The following INO80D variants were observed in gnomAD, a reference collection of about 807,000 sequenced individuals.
INO80D encodes the protein INO80 complex subunit D.
In INO80D, 21 loss-of-function variants were observed where a neutral mutation model predicts 87.6. The observed-to-expected ratio is 0.24, with a 90% CI of 0.17 to 0.35. INO80D has a LOEUF of 0.35. Among genes scored for constraint, INO80D ranks in the 10% least tolerant of loss-of-function variants. The pLI is 1.00. For missense variants in INO80D, 982 were observed against 1,280.7 expected (o/e 0.77, Z 3.56); for synonymous variants, 440 against 491.0 (o/e 0.90, Z 1.37).
At chr2:206,076,636 C>T (rs1355527028) in intron 1 of INO80D, among the ~76,000 whole-genome samples, 1 of 152,162 alleles carries the variant, frequency 6.6e-6, no homozygotes, top group African/African-American at 2.4e-5. Context: ...TATTGAATGT[C>T]TAGTATGTGC....
chr2:206,043,023 A>T (rs1029659128), intron 5 of INO80D, among the ~76,000 whole-genome samples: 1 of 152,202 alleles, frequency 6.6e-6, no homozygotes, highest in Non-Finnish European at 1.5e-5. Context: ...ATTACCAAAA[A>T]ATTCACAAAA....
chr2:206,080,515 CCCATT>C (rs1459657179), intron 1 of INO80D, among the ~76,000 whole-genome samples: 3 of 151,916 alleles, frequency 2.0e-5, no homozygotes, highest in African/African-American at 7.3e-5. Context: ...ATTTATTTGC[CCCATT>C]AAAGTAATTA....
At chr2:206,007,587 CA>C in intron 9 of INO80D, 146 bp from the exon 10 acceptor site, 2 of 889,032 alleles carry the variant, frequency 2.2e-6, no homozygotes, top group Non-Finnish European at 1.7e-6. Context: ...TTTGGGAGGC[CA>C]AGGTGAGAGG....
intron 3 of INO80D, among the ~76,000 whole-genome samples, chr2:206,059,062 TAAA>T (rs34251228): frequency 5.6e-5 from 7 of 125,480 alleles, no homozygotes; most frequent in Admixed American, 1.6e-4. Flanking sequence ...CTGTCTCAGT[TAAA>T]AAAAAAAAAA....
At chr2:206,007,173 A>G (rs1688049018) in intron 10 of INO80D, 111 bp downstream of exon 10, 1 of 900,570 alleles carries the variant, frequency 1.1e-6, no homozygotes, top group African/African-American at 1.7e-5. Context: ...ATCTACAGTG[A>G]AAGACATTAC....
At chr2:206,018,713 G>T (rs550614044) in intron 7 of INO80D, among the ~76,000 whole-genome samples, 1 of 152,126 alleles carries the variant, frequency 6.6e-6, no homozygotes, top group Non-Finnish European at 1.5e-5. Context: ...TTGAGCCTCA[G>T]AAGTTCAGGA....
intron 1 of INO80D, among the ~76,000 whole-genome samples, chr2:206,067,721 A>G (rs1689857273): frequency 1.3e-5 from 2 of 152,198 alleles, no homozygotes; most frequent in Non-Finnish European, 2.9e-5. Context: ...TCTTTTCTCT[A>G]CTCACCCACA....
Position 206,063,262 on chromosome 2 carries a change from G to A in INO80D, c.-123-18C>T. The A allele has an allele frequency of 7.5e-6, 4 of 533,866 alleles. No homozygotes were observed. The highest frequency in any genetic ancestry group is 1.3e-5 in the Non-Finnish European group (4 of 309,886). 33.1% of individuals were successfully genotyped at this position (533,866 alleles called of 1,614,324 possible). ...CAGATTGTCTATAAAAATATCAAAA[G>A]GCCTAGTTAACAAACAGAAATAAGC... On this transcript the variant is annotated intron_variant, in intron 1 of 10. Coordinates refer to ENST00000403263, the MANE Select transcript of INO80D (RefSeq NM_017759.5).
intron 1 of INO80D, among the ~76,000 whole-genome samples, chr2:206,077,033 G>A (rs945705596): frequency 5.9e-5 from 9 of 152,144 alleles, no homozygotes; most frequent in Admixed American, 3.9e-4. Flanking sequence ...CAGCACTTTG[G>A]GAGGCCAAGG....
intron 5 of INO80D, among the ~76,000 whole-genome samples, chr2:206,038,946 G>A (rs1575832405): frequency 6.6e-6 from 1 of 152,224 alleles, no homozygotes; most frequent in East Asian, 1.9e-4. Flanking sequence ...AGTTTCCAGG[G>A]TAAGTCCAGA....
chr2:205,996,041 A>G lies in INO80D; in HGVS notation c.*8327T>C, dbSNP rs931493865. ...TAATATCGATCATAAAATCATAATT[A>G]TGTTCTTTTGTAATTTAAGTAAAAT... On this transcript the variant is annotated 3_prime_UTR_variant, in exon 11 of 11. Coordinates refer to ENST00000403263, the MANE Select transcript of INO80D (RefSeq NM_017759.5). The G allele has an allele frequency of 1.5e-4, 23 of 152,152 alleles. No individual in the cohort carries two copies. Among genetic ancestry groups the G allele is most frequent in the Non-Finnish European group, 2.6e-4 (18 of 67,964 alleles). The allele number at this position is 152,152 out of a possible 1,614,324, so 9.4% of individuals were successfully genotyped here.
At chr2:206,057,904 A>G (rs2105883970) in intron 3 of INO80D, among the ~76,000 whole-genome samples, 1 of 152,226 alleles carries the variant, frequency 6.6e-6, no homozygotes, top group Non-Finnish European at 1.5e-5. Flanking sequence ...AAGTTTAAAA[A>G]AAAAAAAAAA....
chr2:206,083,950 G>A (rs570969974), intron 1 of INO80D, among the ~76,000 whole-genome samples: 4 of 151,958 alleles, frequency 2.6e-5, no homozygotes, highest in African/African-American at 9.7e-5. Context: ...GGCAGTGGGG[G>A]GTGGCAGGGT....
chr2:206,028,182 C>G lies in INO80D; in HGVS notation c.1227G>C (p.Ala409=). The G allele has an allele frequency of 6.3e-7, 1 of 1,597,528 alleles. No individual in the cohort carries two copies. The highest frequency in any genetic ancestry group is 1.1e-5 in the South Asian group (1 of 88,796). Residue 409 remains alanine, a synonymous_variant, in exon 6 of 11, where the codon GCG becomes GCC. Transcript: ENST00000403263. ...RHTFRKALLQ[A]ASKEPECTGQ... ...CAGTGCATTCTGGTTCTTTACTGGC[C>G]GCCTGCAGCAAAGCTTTCCTAAACG...
Position 206,071,238 on chromosome 2 carries a change from C to A in INO80D, c.-123-7994G>T, listed in dbSNP as rs1247582315. Among the ~76,000 whole-genome samples the A allele has an allele frequency of 1.9e-3, 2 of 1,044 alleles. 1 individual carries two copies. The highest frequency in any genetic ancestry group is 5.6e-3 in the African/African-American group (2 of 358). The allele number at this position is 1,044 out of a possible 152,430, so 0.7% of individuals were successfully genotyped here. ...CCTCCCAAAGTGCTGGGATTACAGG[C>A]ATAAGCACCACGCCCGGCCTTTTTT... On this transcript the variant is annotated intron_variant, in intron 1 of 10. Coordinates refer to ENST00000403263, the MANE Select transcript of INO80D (RefSeq NM_017759.5).
At chr2:206,052,341 G>A (rs751085401) in intron 4 of INO80D, among the ~76,000 whole-genome samples, 2 of 151,960 alleles carry the variant, frequency 1.3e-5, no homozygotes, top group Non-Finnish European at 2.9e-5. Context: ...TTACAGGCAC[G>A]CTCCACCACG....
At chr2:206,025,525 T>C (rs1299703104) in intron 6 of INO80D, 2 of 47,210 alleles carry the variant, frequency 4.2e-5, no homozygotes, top group Non-Finnish European at 8.7e-5. Flanking sequence ...TGAAACTCCA[T>C]CTCAAAAAAA....
intron 8 of INO80D, among the ~76,000 whole-genome samples, chr2:206,013,967 T>C (rs987370023): frequency 2.0e-5 from 3 of 151,608 alleles, no homozygotes; most frequent in African/African-American, 7.3e-5. Context: ...AAGACCAGCC[T>C]GGCCAACATG....
At chr2:206,041,228 AAATTT>A (rs1028868030) in intron 5 of INO80D, among the ~76,000 whole-genome samples, 69 of 152,348 alleles carry the variant, frequency 4.5e-4, no homozygotes, top group African/African-American at 1.5e-3. Context: ...TAATCATATT[AAATTT>A]AAGTTGTCTA....
Sources: allele counts gnomAD v4.1 joint callset (sites outside exome capture counted in the v4.1 genomes callset), GRCh38; gene constraint gnomAD v4.1.1; transcripts MANE v1.5; gene names NCBI Gene and HGNC (gene_info 2026-07-23, HGNC 2026-07-21).